The following DCHS2 variants were observed in gnomAD, a reference collection of about 807,000 sequenced individuals.
DCHS2 encodes the protein dachsous cadherin-related 2, also known as protocadherin-23.
A neutral mutation model predicts 182.4 loss-of-function variants in DCHS2; 142 were observed. The observed-to-expected ratio is 0.78, with a 90% CI of 0.68 to 0.89. DCHS2 has a LOEUF of 0.89. DCHS2 is among the 40% of genes least tolerant of loss of function. DCHS2 has a pLI of 0.00. For synonymous variants in DCHS2, 1,740 were observed against 1,663.3 expected (o/e 1.05, Z -1.12); for missense variants, 4,319 against 4,198.6 (o/e 1.03, Z -0.79).
chr4:154,383,045 A>G (rs1017421976), intron 1 of DCHS2, among the ~76,000 whole-genome samples: 1 of 152,242 alleles, frequency 6.6e-6, no homozygotes, highest in Non-Finnish European at 1.5e-5. Flanking sequence ...TTGCATATTC[A>G]TCACAGTGCT....
intron 9 of DCHS2, among the ~76,000 whole-genome samples, 184 bp downstream of exon 9, chr4:154,320,195 A>G (rs574584310): frequency 6.6e-6 from 1 of 152,290 alleles, no homozygotes; most frequent in Admixed American, 6.5e-5. Context: ...GGAAGGGAAA[A>G]TGGGAGAAAC....
At chr4:154,360,207 T>C (rs149535368) in intron 3 of DCHS2, among the ~76,000 whole-genome samples, 95 of 152,230 alleles carry the variant, frequency 6.2e-4, no homozygotes, top group Admixed American at 1.8e-3. Context: ...CTGAAAACTA[T>C]TATTATCTGA....
intron 14 of DCHS2, among the ~76,000 whole-genome samples, chr4:154,265,111 A>C (rs1391645576): frequency 6.6e-6 from 1 of 152,214 alleles, no homozygotes; most frequent in Non-Finnish European, 1.5e-5. Context: ...TTTATGTGTC[A>C]AATATACAGA....
At chr4:154,244,637 A>T (rs1201650375) in intron 16 of DCHS2, among the ~76,000 whole-genome samples, 1 of 152,186 alleles carries the variant, frequency 6.6e-6, no homozygotes, top group African/African-American at 2.4e-5. Context: ...TAAAAATGAC[A>T]TGAAATAAAC....
intron 17 of DCHS2, among the ~76,000 whole-genome samples, chr4:154,241,445 A>G (rs940573617): frequency 3.3e-4 from 50 of 152,284 alleles, no homozygotes; most frequent in African/African-American, 1.2e-3. Flanking sequence ...TTCACCAAAA[A>G]ATTACAAAAT....
At chr4:154,328,069 T>A (rs1736357966) in intron 7 of DCHS2, 24 bp downstream of exon 7, 1 of 1,514,316 alleles carries the variant, frequency 6.6e-7, no homozygotes, top group African/African-American at 1.4e-5. Context: ...AAGTTCTTAA[T>A]CCCGTATGAA....
intron 2 of DCHS2, among the ~76,000 whole-genome samples, chr4:154,367,491 C>G (rs966907426): frequency 6.6e-6 from 1 of 152,086 alleles, no homozygotes; most frequent in Admixed American, 6.6e-5. Flanking sequence ...TCCCATACTG[C>G]TTTTTTGGTG....
intron 10 of DCHS2, among the ~76,000 whole-genome samples, chr4:154,308,554 G>A (rs75561843): frequency 0.024 from 3,591 of 152,216 alleles, 140 homozygotes; most frequent in African/African-American, 0.081. Context: ...GTACTGGAAA[G>A]GCACCACTGA....
At position 154,451,523 on chromosome 4, in the gene DCHS2, A is replaced by G. The variant is rs186243323; in HGVS notation, c.2052+37781T>C. Among the ~76,000 whole-genome samples the G allele has an allele frequency of 6.0e-4, 91 of 152,042 alleles. 1 individual carries two copies. The highest frequency in any genetic ancestry group is 3.4e-3 in the Middle Eastern group (1 of 294). ...AGTGGCCCAAATCCCCATGGACCTGACTCCTGCTATGTTATCTCCTCTCCC... is the reference window on the plus strand; with the variant it reads ...AGTGGCCCAAATCCCCATGGACCTGGCTCCTGCTATGTTATCTCCTCTCCC... On this transcript the variant is annotated intron_variant, in intron 1 of 19. Transcript: ENST00000357232.
At chr4:154,295,173 G>A (rs1222580092) in intron 13 of DCHS2, among the ~76,000 whole-genome samples, 3 of 152,208 alleles carry the variant, frequency 2.0e-5, no homozygotes, top group African/African-American at 7.2e-5. Flanking sequence ...GGCCAGATGT[G>A]GGACTTGGGT....
intron 13 of DCHS2, among the ~76,000 whole-genome samples, chr4:154,295,111 AG>A (rs1199019064): frequency 6.6e-6 from 1 of 152,226 alleles, no homozygotes; most frequent in African/African-American, 2.4e-5. Flanking sequence ...CCCTGGGGAA[AG>A]GAAATCCTTG....
In DCHS2 at chr4:154,320,240, G is replaced by A. The variant is rs1357099234; in HGVS notation, c.5020+139C>T. 6 of 1,351,984 alleles carry A rather than the reference G, an allele frequency of 4.4e-6. No individual in the cohort carries two copies. In the African/African-American group the frequency reaches 5.9e-5, roughly 13 times the overall value. The allele number at this position is 1,351,984 out of a possible 1,614,324, so 83.7% of individuals were successfully genotyped here. On this transcript the variant is annotated intron_variant, in intron 9 of 19. Coordinates refer to ENST00000357232, the MANE Select transcript of DCHS2 (RefSeq NM_001358235.2). ...AGTTAAGCAAGGTAAATAATATCTA[G>A]AGATACGCTGTGCAACATTGAACTC...
At chr4:154,420,246 C>CAGACAGACAGATAGAT (rs1553950394) in intron 1 of DCHS2, among the ~76,000 whole-genome samples, 8 of 144,746 alleles carry the variant, frequency 5.5e-5, no homozygotes, top group African/African-American at 2.1e-4. Flanking sequence ...GACAGACAGA[C>CAGACAGACAGATAGAT]AGATAGATAG....
chr4:154,458,846 G>GT (rs985852258), intron 1 of DCHS2, among the ~76,000 whole-genome samples: 1 of 152,150 alleles, frequency 6.6e-6, no homozygotes, highest in Non-Finnish European at 1.5e-5. Context: ...TAAGGTTGCA[G>GT]TTTCTCAGGT....
At chr4:154,258,996 T>A (rs1732839934) in intron 15 of DCHS2, among the ~76,000 whole-genome samples, 1 of 152,136 alleles carries the variant, frequency 6.6e-6, no homozygotes. Context: ...AACAAGCACT[T>A]GTCCTGAGGC....
intron 1 of DCHS2, among the ~76,000 whole-genome samples, chr4:154,440,425 T>A (rs778420468): frequency 3.9e-5 from 6 of 151,974 alleles, no homozygotes; most frequent in Admixed American, 2.6e-4. Context: ...CTATCAGCGA[T>A]TCTCAACCTT....
At chr4:154,266,853 A>T (rs956310849) in intron 14 of DCHS2, among the ~76,000 whole-genome samples, 25 of 152,108 alleles carry the variant, frequency 1.6e-4, no homozygotes, top group Non-Finnish European at 8.8e-5. Flanking sequence ...GTTCTGCTTT[A>T]GTTTCTTCTT....
intron 1 of DCHS2, among the ~76,000 whole-genome samples, chr4:154,400,358 A>G (rs1371089390): frequency 6.8e-6 from 1 of 146,860 alleles, no homozygotes; most frequent in Non-Finnish European, 1.5e-5. Context: ...GTTTGATGAT[A>G]TAAGGACCCC....
At chr4:154,299,341 A>T (rs1184878063) in intron 12 of DCHS2, among the ~76,000 whole-genome samples, 2 of 152,082 alleles carry the variant, frequency 1.3e-5, no homozygotes, top group Admixed American at 6.6e-5. Context: ...TCTATTCCTT[A>T]AAAAAAATCT....
Sources: gnomAD v4.1 joint callset for allele counts (sites outside exome capture counted in the v4.1 genomes callset) on GRCh38, gnomAD v4.1.1 for gene constraint, MANE v1.5 for transcripts, NCBI Gene and HGNC (gene_info 2026-07-23, HGNC 2026-07-21) for gene names.